The following SNX25 variants were observed in gnomAD, a reference collection of about 807,000 sequenced individuals.
SNX25 encodes sorting nexin-25.
In SNX25, 62 loss-of-function variants were observed where a neutral mutation model predicts 113.7. The observed-to-expected ratio is 0.55, with a 90% CI of 0.44 to 0.67. The LOEUF (loss-of-function observed/expected upper bound fraction) is 0.67, where lower values mean the gene tolerates loss of function less well. Among genes scored for constraint, SNX25 ranks in the 30% least tolerant of loss-of-function variants. The pLI, the probability that SNX25 is intolerant of heterozygous loss-of-function variation, is 0.00. For missense variants in SNX25, 1,014 were observed against 1,161.0 expected, an observed-to-expected ratio of 0.87 and a Z score of 1.84; for synonymous variants, 421 against 436.2, an observed-to-expected ratio of 0.97 and a Z score of 0.43.
intron 14 of SNX25, among the ~76,000 whole-genome samples, chr4:185,352,045 G>C (rs2126743145): frequency 6.6e-6 from 1 of 152,258 alleles, no homozygotes; most frequent in African/African-American, 2.4e-5. Flanking sequence ...GTGGGGAGGG[G>C]CAAGGTTCAC....
rs774093670 is a variant in SNX25, at chr4:185,332,772, T to C, written c.1914+13T>C. On this transcript the variant is annotated intron_variant, in intron 10 of 18. Transcript: ENST00000652585. ...ACCTGACAAGAAGGTAACTCTTTGC[T>C]TTCAAGGTTGTCTTTGAAAGTTAAC... 10 of 1,609,808 alleles carry C rather than the reference T, an allele frequency of 6.2e-6. No homozygotes were observed. The highest frequency in any genetic ancestry group is 1.3e-5 in the African/African-American group (1 of 74,858).
chr4:185,303,658 C>CAAA lies in SNX25; in HGVS notation c.1163-6956_1163-6954dup, dbSNP rs34378168. 1.3e-3 allele frequency among the ~76,000 whole-genome samples: 64 copies of CAAA among 50,750 alleles called. 2 individuals carry two copies. Among genetic ancestry groups the CAAA allele is most frequent in the Non-Finnish European group, 1.6e-3 (37 of 23,538 alleles). The allele number at this position is 50,750 out of a possible 152,430, so 33.3% of individuals were successfully genotyped here. A position where few individuals can be genotyped will look rare whatever the true frequency, so the allele number is the denominator to read the frequency against. ...TGGGCGACAGAGCGAGACTCTGTCT[C>CAAA]AAAAAAAAAAAAAAAAAAAAAAAGC... is the stretch of plus-strand genomic sequence containing the variant. On this transcript the variant is annotated intron_variant, in intron 6 of 18. Transcript: ENST00000652585.
chr4:185,231,997 C>A (rs1741952023), intron 1 of SNX25, among the ~76,000 whole-genome samples: 1 of 152,144 alleles, frequency 6.6e-6, no homozygotes, highest in Admixed American at 6.6e-5. Flanking sequence ...CAGCTTTTCA[C>A]TTCAAAGGAA....
In SNX25 at chr4:185,224,542, T is replaced by TATAA. The variant is rs1381494578; in HGVS notation, c.429+14290_429+14291insAATA. Among the ~76,000 whole-genome samples, 100 of 99,060 alleles carry TATAA rather than the reference T, an allele frequency of 1.0e-3. 1 individual carries two copies. The East Asian group carries it at 0.018, about 18-fold the overall frequency. 65.0% of individuals were successfully genotyped at this position (99,060 alleles called of 152,430 possible). On this transcript the variant is annotated intron_variant, in intron 1 of 18. Transcript: ENST00000652585. The stretch of plus-strand genomic sequence containing the variant: ...AAATATATATACATATATATAAATA[T>TATAA]ATATACATATATATAAATATATATA...
intron 13 of SNX25, among the ~76,000 whole-genome samples, chr4:185,347,458 CTTTTGTTTTGTTTTGTTTTG>C (rs528383809): frequency 6.6e-6 from 1 of 150,818 alleles, no homozygotes; most frequent in Non-Finnish European, 1.5e-5. Context: ...TTTTTGTTTT[CTTTTGTTTTGTTTTGTTTTG>C]TTTTGTTTTG....
chr4:185,351,727 G>A (rs367711742), intron 14 of SNX25, 118 bp downstream of exon 14: 15 of 1,042,062 alleles, frequency 1.4e-5, no homozygotes, highest in South Asian at 1.2e-4. Context: ...GTCACATTTT[G>A]AGGCACCTGC....
At chr4:185,373,396 CAG>C (rs1491418650), downstream of SNX25, among the ~76,000 whole-genome samples, 1 of 152,060 alleles carries the variant, frequency 6.6e-6, no homozygotes, top group Non-Finnish European at 1.5e-5. Flanking sequence ...AATAGGAACT[CAG>C]TGTCTGAAAG....
At chr4:185,217,375 T>C (rs572020756) in intron 1 of SNX25, among the ~76,000 whole-genome samples, 1 of 152,244 alleles carries the variant, frequency 6.6e-6, no homozygotes, top group South Asian at 2.1e-4. Flanking sequence ...TTTGATACAA[T>C]TCTCATTATT....
chr4:185,293,866 C>T lies in SNX25; in HGVS notation c.1162+5784C>T, dbSNP rs141603544. 7.4e-3 allele frequency among the ~76,000 whole-genome samples: 1,125 copies of T among 152,006 alleles called. 16 individuals are homozygous for T. The highest frequency in any genetic ancestry group is 0.026 in the African/African-American group (1,070 of 41,484). Reference sequence around the variant, plus strand: ...AGAGTTAGAGAAACAATGTAAAACACGATCGTTTATAAACAGAAAATGAAA... The same window carrying T: ...AGAGTTAGAGAAACAATGTAAAACATGATCGTTTATAAACAGAAAATGAAA... On this transcript the variant is annotated intron_variant, in intron 6 of 18. Coordinates refer to ENST00000652585, the MANE Select transcript of SNX25 (RefSeq NM_001378034.2).
At chr4:185,332,259 T>C (rs900871964) in intron 9 of SNX25, among the ~76,000 whole-genome samples, 1 of 152,156 alleles carries the variant, frequency 6.6e-6, no homozygotes, top group South Asian at 2.1e-4. Flanking sequence ...GAACATTAGG[T>C]ACAGAATATT....
In SNX25 at chr4:185,341,970, C is replaced by T; in HGVS notation, c.2047-6C>T. ...TGTAAGTATCGATTTTGATGTTTTC[C>T]CCAAGGTTACAGAAGAGAATGGTGA... On this transcript the variant is annotated splice_region_variant and splice_polypyrimidine_tract_variant and intron_variant, in intron 11 of 18. Coordinates refer to ENST00000652585, the MANE Select transcript of SNX25 (RefSeq NM_001378034.2). 1 of 1,572,224 alleles carries T rather than the reference C, an allele frequency of 6.4e-7. No homozygotes were observed. The highest frequency in any genetic ancestry group is 8.6e-7 in the Non-Finnish European group (1 of 1,163,322).
chr4:185,376,179 G>A, the SNX25 span, among the ~76,000 whole-genome samples: 5 of 152,128 alleles, frequency 3.3e-5, no homozygotes, highest in African/African-American at 9.7e-5. Flanking sequence ...GAAAGAGGGC[G>A]ATTTCCTCCT....
intron 15 of SNX25, among the ~76,000 whole-genome samples, chr4:185,355,990 C>T (rs1207120351): frequency 4.6e-5 from 7 of 152,212 alleles, no homozygotes; most frequent in African/African-American, 1.2e-4. Flanking sequence ...TCTGCCTGCT[C>T]GGAACATATT....
At chr4:185,329,437 GCGTCCTCTTTCCT>G (rs1297952816) in intron 9 of SNX25, among the ~76,000 whole-genome samples, 1 of 152,136 alleles carries the variant, frequency 6.6e-6, no homozygotes, top group Non-Finnish European at 1.5e-5. Flanking sequence ...CAGAGACCCA[GCGTCCTCTTTCCT>G]AAAGAGGACG....
intron 2 of SNX25, among the ~76,000 whole-genome samples, chr4:185,252,166 A>G (rs1418448874): frequency 6.6e-6 from 1 of 152,222 alleles, no homozygotes; most frequent in Non-Finnish European, 1.5e-5. Flanking sequence ...CAATAACAAC[A>G]ACAAACAAAA....
intron 5 of SNX25, among the ~76,000 whole-genome samples, chr4:185,279,116 G>T (rs893544415): frequency 1.3e-5 from 2 of 150,998 alleles, no homozygotes; most frequent in African/African-American, 4.9e-5. Context: ...TTTCCAAATT[G>T]TATATATATT....
In SNX25 at chr4:185,346,656, C is replaced by A; in HGVS notation, c.2301+6C>A. On this transcript the variant is annotated splice_donor_region_variant and intron_variant, in intron 13 of 18. Coordinates refer to ENST00000652585, the MANE Select transcript of SNX25 (RefSeq NM_001378034.2). ...AATTAAATAAGTTTTTACAGGTAAG[C>A]AAGTGAAAAATGTGGGATATGAGAG... 6.5e-7 allele frequency: 1 copy of A among 1,531,208 alleles called. No individual in the cohort carries two copies. Among genetic ancestry groups the A allele is most frequent in the Non-Finnish European group, 8.8e-7 (1 of 1,133,456 alleles). 94.9% of individuals were successfully genotyped at this position (1,531,208 alleles called of 1,614,324 possible).
chr4:185,361,765 A>G (rs976892996), intron 16 of SNX25, among the ~76,000 whole-genome samples, 159 bp from the exon 17 acceptor site: 2 of 152,130 alleles, frequency 1.3e-5, no homozygotes, highest in African/African-American at 2.4e-5. Context: ...AAAAATATAT[A>G]TAACTTTCAG....
chr4:185,329,791 G>T (rs1161205570), intron 9 of SNX25, among the ~76,000 whole-genome samples: 1 of 152,080 alleles, frequency 6.6e-6, no homozygotes, highest in Non-Finnish European at 1.5e-5. Flanking sequence ...AGACCTGAGG[G>T]TTTTAAGAAC....
Sources: gnomAD v4.1 joint callset for allele counts (sites outside exome capture counted in the v4.1 genomes callset) on GRCh38, gnomAD v4.1.1 for gene constraint, MANE v1.5 for transcripts, NCBI Gene and HGNC (gene_info 2026-07-23, HGNC 2026-07-21) for gene names.